The following GSTCD variants were observed in gnomAD, a reference collection of about 807,000 sequenced individuals.
GSTCD encodes the protein glutathione S-transferase C-terminal domain containing, also known as glutathione S-transferase C-terminal domain-containing protein.
GSTCD carries 44 observed loss-of-function variants against 68.3 expected under a neutral mutation model. That is an observed-to-expected ratio of 0.64 (90% CI 0.51 to 0.83). GSTCD has a LOEUF of 0.83. Ranked by LOEUF, GSTCD falls within the 40% of genes least tolerant of loss-of-function variation. The probability of loss-of-function intolerance (pLI) is 0.00; values close to 1 mark genes in which losing one functional copy is unlikely to be tolerated. For synonymous variants in GSTCD, 273 were observed against 255.2 expected, an observed-to-expected ratio of 1.07 and a Z score of -0.67; for missense variants, 739 against 735.9, an observed-to-expected ratio of 1.00 and a Z score of -0.05.
chr4:105,760,996 A>ATTTTTTTTTTTTTTTTTT (rs35581423), intron 5 of GSTCD: 6 of 174,962 alleles, frequency 3.4e-5, no homozygotes, highest in African/African-American at 1.0e-4. Context: ...TCCTTTTTTA[A>ATTTTTTTTTTTTTTTTTT]TTTTTTTTTT....
At chr4:105,774,794 C>T (rs1410853168) in intron 5 of GSTCD, among the ~76,000 whole-genome samples, 8 of 152,158 alleles carry the variant, frequency 5.3e-5, no homozygotes, top group Non-Finnish European at 1.5e-5. Context: ...TTTTTTCCTT[C>T]ATTTCAACCT....
chr4:105,791,474 G>C (rs1425572217), intron 5 of GSTCD, among the ~76,000 whole-genome samples: 1 of 151,706 alleles, frequency 6.6e-6, no homozygotes, highest in Non-Finnish European at 1.5e-5. Flanking sequence ...AAACACGTTT[G>C]TTTGTTTGTT....
At position 105,708,836 on chromosome 4, in the gene GSTCD, A is replaced by G. The variant is rs146409698; in HGVS notation, c.-202A>G. The G allele has an allele frequency of 6.0e-3, 925 of 153,708 alleles. 9 individuals are homozygous for G. Among genetic ancestry groups the G allele is most frequent in the African/African-American group, 0.021 (880 of 41,510 alleles). 9.5% of individuals were successfully genotyped at this position (153,708 alleles called of 1,614,324 possible). ...ATTATGAATGACGGCCGGCGCGAGTATTTTCCACATAAGGTGGCTGTCGTT... is the reference window on the plus strand; with the variant it reads ...ATTATGAATGACGGCCGGCGCGAGTGTTTTCCACATAAGGTGGCTGTCGTT... On this transcript the variant is annotated 5_prime_UTR_variant, in exon 1 of 12. Transcript: ENST00000515279.
At chr4:105,722,609 C>T (rs1732892070) in intron 3 of GSTCD, among the ~76,000 whole-genome samples, 1 of 151,958 alleles carries the variant, frequency 6.6e-6, no homozygotes, top group Non-Finnish European at 1.5e-5. Context: ...TAAAGGAATG[C>T]AAAGGAGGAG....
Position 105,834,284 on chromosome 4 carries a change from G to A in GSTCD, c.1531-177G>A, listed in dbSNP as rs1402889764. ...AAATTTTCCGTTGAATGAATCTTAT[G>A]CTTTATTTGCAATATTCCATTTGCA... is the stretch of plus-strand genomic sequence containing the variant. On this transcript the variant is annotated intron_variant, in intron 8 of 11. Coordinates refer to ENST00000515279, the MANE Select transcript of GSTCD (RefSeq NM_001370181.1). 2.6e-5 allele frequency among the ~76,000 whole-genome samples: 4 copies of A among 152,134 alleles called. No homozygotes were observed. In the South Asian group the frequency reaches 8.3e-4, roughly 32 times the overall value.
At chr4:105,725,949 TGGAA>T (rs1359601274) in intron 3 of GSTCD, among the ~76,000 whole-genome samples, 1 of 152,150 alleles carries the variant, frequency 6.6e-6, no homozygotes, top group Non-Finnish European at 1.5e-5. Flanking sequence ...AATTGTAAAA[TGGAA>T]GGGCAACCAT....
At chr4:105,757,865 A>G (rs1734252427) in intron 5 of GSTCD, among the ~76,000 whole-genome samples, 1 of 152,198 alleles carries the variant, frequency 6.6e-6, no homozygotes, top group Admixed American at 6.6e-5. Context: ...TTCAATATAA[A>G]TGAACCATTT....
chr4:105,717,274 C>T (rs1038921256), intron 1 of GSTCD, among the ~76,000 whole-genome samples: 21 of 152,052 alleles, frequency 1.4e-4, no homozygotes, highest in Admixed American at 4.6e-4. Flanking sequence ...ATTTATTTCC[C>T]CTTCTATTTA....
chr4:105,835,092 T>C (rs1049975075), intron 9 of GSTCD, among the ~76,000 whole-genome samples: 5 of 152,218 alleles, frequency 3.3e-5, no homozygotes. Flanking sequence ...TTTAATGATA[T>C]GTGTAAAGCC....
chr4:105,801,897 G>A (rs1215871433), intron 5 of GSTCD, among the ~76,000 whole-genome samples: 1 of 151,974 alleles, frequency 6.6e-6, no homozygotes, highest in African/African-American at 2.4e-5. Context: ...TGCTTATGAA[G>A]TCAAACCTAT....
In GSTCD at chr4:105,829,187, T is replaced by TA. The variant is rs761947774; in HGVS notation, c.1530+3407dup. The stretch of plus-strand genomic sequence containing the variant: ...GAACTACAGATACTACAGCTATAAT[T>TA]AAAAAAAAAAAAAAAAAAAAGAAAG... On this transcript the variant is annotated intron_variant, in intron 8 of 11. Transcript: ENST00000515279. Among the ~76,000 whole-genome samples the TA allele has an allele frequency of 9.3e-3, 1,068 of 114,938 alleles. 10 individuals carry two copies. Among genetic ancestry groups the TA allele is most frequent in the African/African-American group, 0.026 (807 of 30,844 alleles). 75.4% of individuals were successfully genotyped at this position (114,938 alleles called of 152,430 possible). A position where few individuals can be genotyped will look rare whatever the true frequency, so the allele number is the denominator to read the frequency against.
rs908538263 is a variant in GSTCD, at chr4:105,717,857, C to T, written c.244C>T (p.Pro82Ser). The change falls in exon 2 of 12, where the codon CCA (proline) becomes TCA (serine). Residue 82 changes from proline (P) to serine (S), a missense_variant. Coordinates refer to ENST00000515279, the MANE Select transcript of GSTCD (RefSeq NM_001370181.1). ...EIQIISRQEL[P>S]PIVQNCCLPA... ...ACAGATTATTTCAAGGCAGGAGCTCCCACCAATAGTCCAAAATTGCTGTTT... is the reference window on the plus strand; with the variant it reads ...ACAGATTATTTCAAGGCAGGAGCTCTCACCAATAGTCCAAAATTGCTGTTT... The T allele has an allele frequency of 1.4e-5, 23 of 1,613,920 alleles. No homozygotes were observed. The highest frequency in any genetic ancestry group is 1.7e-5 in the Non-Finnish European group (20 of 1,179,978).
chr4:105,739,375 G>A (rs1025867075), intron 5 of GSTCD, among the ~76,000 whole-genome samples: 1 of 152,182 alleles, frequency 6.6e-6, no homozygotes, highest in Admixed American at 6.5e-5. Context: ...TAGCCTCATA[G>A]ATGAGTTTTG....
chr4:105,717,626 A>C lies in GSTCD; in HGVS notation c.13A>C (p.Lys5Gln). 1 of 1,560,348 alleles carries C rather than the reference A, an allele frequency of 6.4e-7. No homozygotes were observed. Among genetic ancestry groups the C allele is most frequent in the South Asian group, 1.2e-5 (1 of 80,116 alleles). ...ATGAAAGAAGAAAATGAAAGCCATAAAGAAAAGTCTTACAGAAGAAGAATA... is the reference window on the plus strand; with the variant it reads ...ATGAAAGAAGAAAATGAAAGCCATACAGAAAAGTCTTACAGAAGAAGAATA... Reference protein sequence around the residue: MKAIKKSLTEEEYLY... With the variant: MKAIQKSLTEEEYLY... The change falls in exon 2 of 12, where the codon AAG becomes CAG. Residue 5 changes from lysine to glutamine, a missense_variant. Coordinates refer to ENST00000515279, the MANE Select transcript of GSTCD (RefSeq NM_001370181.1).
At chr4:105,819,298 G>A (rs1273221684) in intron 5 of GSTCD, among the ~76,000 whole-genome samples, 2 of 151,628 alleles carry the variant, frequency 1.3e-5, no homozygotes, top group Non-Finnish European at 3.0e-5. Flanking sequence ...CATTCTATCT[G>A]GTAAGTTTCT....
chr4:105,732,444 G>A lies in GSTCD; in HGVS notation c.1240+2945G>A, dbSNP rs150508314. ...GGAGGGTGTATGTGTCCAGTAATTT[G>A]TCCATTTCTTCTAGATTTTCTAGTT... On this transcript the variant is annotated intron_variant, in intron 5 of 11. Coordinates refer to ENST00000515279, the MANE Select transcript of GSTCD (RefSeq NM_001370181.1). Among the ~76,000 whole-genome samples, 993 of 152,108 alleles carry A rather than the reference G, an allele frequency of 6.5e-3. 4 individuals carry two copies. Among genetic ancestry groups the A allele is most frequent in the Non-Finnish European group, 0.011 (747 of 67,958 alleles).
chr4:105,719,745 C>A (rs1434891185), intron 3 of GSTCD, among the ~76,000 whole-genome samples: 3 of 152,126 alleles, frequency 2.0e-5, no homozygotes, highest in Non-Finnish European at 4.4e-5. Flanking sequence ...GTATGGAGAA[C>A]AGTGCTTGGC....
chr4:105,743,597 A>C (rs1468825694), intron 5 of GSTCD, among the ~76,000 whole-genome samples: 1 of 151,386 alleles, frequency 6.6e-6, no homozygotes, highest in African/African-American at 2.4e-5. Context: ...AGTAAGTTGC[A>C]GACATTGTTC....
chr4:105,819,149 G>T (rs925214911), intron 5 of GSTCD, among the ~76,000 whole-genome samples: 4 of 151,670 alleles, frequency 2.6e-5, no homozygotes, highest in Non-Finnish European at 5.9e-5. Context: ...TTCCTATCTG[G>T]CACTGTCTGC....
Sources: allele counts gnomAD v4.1 joint callset (sites outside exome capture counted in the v4.1 genomes callset), GRCh38; gene constraint gnomAD v4.1.1; transcripts MANE v1.5; gene names NCBI Gene and HGNC (gene_info 2026-07-23, HGNC 2026-07-21).